TMEM51: variants seen among roughly 807,000 people sequenced by gnomAD.
TMEM51 encodes chromosome 1 open reading frame 72.
A neutral mutation model predicts 13.6 loss-of-function variants in TMEM51; 8 were observed. That is an observed-to-expected ratio of 0.59 (90% confidence interval 0.35 to 1.07). The LOEUF (loss-of-function observed/expected upper bound fraction) is 1.07. Among genes scored for constraint, TMEM51 ranks in the 50% least tolerant of loss-of-function variants. The pLI is 0.02. For synonymous variants in TMEM51, 147 were observed against 144.4 expected, an observed-to-expected ratio of 1.02 and a Z score of -0.13; for missense variants, 279 against 330.7, an observed-to-expected ratio of 0.84 and a Z score of 1.21.
chr1:15,210,060 C>CGGGGAGGGAAG (rs1232570283), intron 1 of TMEM51, among the ~76,000 whole-genome samples: 1 of 151,654 alleles, frequency 6.6e-6, no homozygotes, highest in African/African-American at 2.4e-5. Context: ...GGGAGGGAGA[C>CGGGGAGGGAAG]GGGGAGGGAA....
rs144092861 is a variant in TMEM51, at chr1:15,208,665, A to G, written c.-266-1825A>G. Among the ~76,000 whole-genome samples, 255 of 152,210 alleles carry G rather than the reference A, an allele frequency of 1.7e-3. 3 individuals are homozygous for G. The East Asian group carries it at 0.024, about 14-fold the overall frequency. On this transcript the variant is annotated intron_variant, in intron 1 of 3. Coordinates refer to ENST00000376008, the MANE Select transcript of TMEM51 (RefSeq NM_001136218.2). ...AATAAATAAATAAGTAGCCAGACAA[A>G]AGAGACAGGTGGAAGGGTGTTTTCA...
chr1:15,160,335 G>A (rs538305755), intron 1 of TMEM51, among the ~76,000 whole-genome samples: 3 of 152,240 alleles, frequency 2.0e-5, no homozygotes, highest in East Asian at 3.9e-4. Context: ...GTGCAGTGGT[G>A]CAATCTTGGC....
intron 1 of TMEM51, among the ~76,000 whole-genome samples, chr1:15,182,331 T>A (rs1643647977): frequency 6.6e-6 from 1 of 152,152 alleles, no homozygotes; most frequent in African/African-American, 2.4e-5. Flanking sequence ...TGAGCCTCAG[T>A]CTCCTCATCT....
chr1:15,156,247 T>C (rs1221162673), intron 1 of TMEM51, among the ~76,000 whole-genome samples: 1 of 152,124 alleles, frequency 6.6e-6, no homozygotes, highest in Non-Finnish European at 1.5e-5. Context: ...CCTGGGAGTT[T>C]CTCTGTCTGC....
At chr1:15,165,596 T>C (rs1040314487) in intron 1 of TMEM51, among the ~76,000 whole-genome samples, 3 of 152,248 alleles carry the variant, frequency 2.0e-5, no homozygotes, top group Admixed American at 1.3e-4. Context: ...GATTTTAACC[T>C]TGTTATTAAT....
rs996732620 is a variant in TMEM51, at chr1:15,207,685, G to A, written c.-266-2805G>A. Reference sequence around the variant, plus strand: ...CGAGTGGAAAGAGCCTCTGCCCAGCGTGGAGCGGTGAGGCTAAAGGCTTCC... The same window carrying A: ...CGAGTGGAAAGAGCCTCTGCCCAGCATGGAGCGGTGAGGCTAAAGGCTTCC... On this transcript the variant is annotated intron_variant, in intron 1 of 3. Transcript: ENST00000376008. The surrounding 1 kb of genome is among the most constrained non-coding windows in gnomAD (Gnocchi z 4.6). Among the ~76,000 whole-genome samples, 9 of 152,228 alleles carry A rather than the reference G, an allele frequency of 5.9e-5. No homozygotes were observed. Among genetic ancestry groups the A allele is most frequent in the East Asian group, 1.9e-4 (1 of 5,192 alleles).
chr1:15,183,261 G>A (rs951030886), intron 1 of TMEM51, among the ~76,000 whole-genome samples: 3 of 152,206 alleles, frequency 2.0e-5, no homozygotes, highest in African/African-American at 4.8e-5. Context: ...TTTTATAGAA[G>A]CATTCACTAG....
chr1:15,192,184 A>G (rs989693214), intron 1 of TMEM51: 36 of 396,140 alleles, frequency 9.1e-5, no homozygotes, highest in Middle Eastern at 3.9e-4. Context: ...GGCTGCAAAG[A>G]TTTCTTCATT....
chr1:15,197,954 CAA>C (rs34377131), intron 1 of TMEM51, among the ~76,000 whole-genome samples: 3,338 of 96,148 alleles, frequency 0.035, 123 homozygotes, highest in African/African-American at 0.12. Flanking sequence ...CTATACATGA[CAA>C]AAAAAAAAAA....
At chr1:15,215,895 C>T (rs1322549176) in intron 3 of TMEM51, among the ~76,000 whole-genome samples, 3 of 152,104 alleles carry the variant, frequency 2.0e-5, no homozygotes, top group Non-Finnish European at 4.4e-5. Context: ...GGCATGGTGG[C>T]ACATGCCTGT....
At chr1:15,212,489 C>T (rs569627129) in intron 2 of TMEM51, among the ~76,000 whole-genome samples, 79 of 74,188 alleles carry the variant, frequency 1.1e-3, no homozygotes, top group African/African-American at 2.8e-3. Flanking sequence ...CAGCGTCCCA[C>T]GTACAAGGCC....
chr1:15,179,304 C>T (rs1557840164), intron 1 of TMEM51, among the ~76,000 whole-genome samples: 1 of 152,178 alleles, frequency 6.6e-6, no homozygotes, highest in Non-Finnish European at 1.5e-5. Flanking sequence ...TGACATTATG[C>T]ATTTCCTCTA....
chr1:15,201,819 G>C (rs1644161439), intron 1 of TMEM51, among the ~76,000 whole-genome samples: 1 of 152,174 alleles, frequency 6.6e-6, no homozygotes, highest in South Asian at 2.1e-4. Context: ...ATATGGGCAG[G>C]ACAAACTTTC....
At position 15,219,390 on chromosome 1, in the gene TMEM51, G is replaced by A; in HGVS notation, c.409G>A (p.Val137Met). The A allele has an allele frequency of 6.2e-7, 1 of 1,610,866 alleles. No homozygotes were observed. Among genetic ancestry groups the A allele is most frequent in the Non-Finnish European group, 8.5e-7 (1 of 1,177,426 alleles). Reference protein sequence around the residue: ...SRYYVPSYEEVMNTNYSEARG... With the variant: ...SRYYVPSYEEMMNTNYSEARG... ...GTACTATGTTCCCAGCTACGAGGAA[G>A]TGATGAACACAAACTACTCAGAAGC... Residue 137 changes from valine to methionine, a missense_variant, in exon 4 of 4, where the codon GTG (valine) becomes ATG (methionine). By Grantham distance (21) the Val-to-Met change is conservative. Transcript: ENST00000376008.
At chr1:15,209,892 G>C (rs1644311666) in intron 1 of TMEM51, among the ~76,000 whole-genome samples, 2 of 152,128 alleles carry the variant, frequency 1.3e-5, no homozygotes, top group Admixed American at 6.6e-5. Context: ...TTAGCCAGGT[G>C]TGGGGGTGTG....
chr1:15,182,415 C>T lies in TMEM51; in HGVS notation c.-266-28075C>T, dbSNP rs560994014. 1.5e-3 allele frequency among the ~76,000 whole-genome samples: 221 copies of T among 152,308 alleles called. 3 individuals are homozygous for T. The highest frequency in any genetic ancestry group is 2.5e-3 in the South Asian group (12 of 4,826). On this transcript the variant is annotated intron_variant, in intron 1 of 3. Coordinates refer to ENST00000376008, the MANE Select transcript of TMEM51 (RefSeq NM_001136218.2). ...TCAAGCAGGCAAGCTTTTGGCACAGCGTCAGCAAGCCTCAGCTTATGTGAT... is the reference window on the plus strand; with the variant it reads ...TCAAGCAGGCAAGCTTTTGGCACAGTGTCAGCAAGCCTCAGCTTATGTGAT...
At chr1:15,176,434 C>A (rs1179600162) in intron 1 of TMEM51, among the ~76,000 whole-genome samples, 1 of 152,128 alleles carries the variant, frequency 6.6e-6, no homozygotes, top group East Asian at 1.9e-4. Flanking sequence ...AACTTGAGAG[C>A]CACTCCCCGC....
chr1:15,178,564 T>C (rs1364806480), intron 1 of TMEM51, among the ~76,000 whole-genome samples: 1 of 152,172 alleles, frequency 6.6e-6, no homozygotes, highest in Non-Finnish European at 1.5e-5. Flanking sequence ...GCTGCTCCCT[T>C]TGCTTCCTGA....
At chr1:15,183,535 T>C (rs1643682635) in intron 1 of TMEM51, among the ~76,000 whole-genome samples, 1 of 152,210 alleles carries the variant, frequency 6.6e-6, no homozygotes, top group Non-Finnish European at 1.5e-5. Flanking sequence ...AAGATAACTA[T>C]AGATTGCATG....
Sources: allele counts gnomAD v4.1 joint callset (sites outside exome capture counted in the v4.1 genomes callset), GRCh38; gene constraint gnomAD v4.1.1; non-coding constraint Gnocchi (gnomAD v3.1); transcripts MANE v1.5; gene names NCBI Gene and HGNC (gene_info 2026-07-23, HGNC 2026-07-21).